Variants in SCIMP observed in about 807,000 individuals in gnomAD.
SCIMP encodes the protein SLP adaptor and CSK interacting membrane protein, also known as SLP adapter and CSK-interacting membrane protein.
Under a neutral mutation model 22.0 loss-of-function variants are expected in SCIMP, and 18 were observed. The observed-to-expected ratio is 0.82, with a 90% CI of 0.56 to 1.21. The LOEUF (loss-of-function observed/expected upper bound fraction) is 1.21, where lower values mean the gene tolerates loss of function less well. Ranked by LOEUF, SCIMP falls within the 50% of genes most tolerant of loss-of-function variation. The pLI is 0.00. For missense variants in SCIMP, 155 were observed against 171.2 expected (o/e 0.91, Z 0.53); for synonymous variants, 53 against 62.2 (o/e 0.85, Z 0.70).
chr17:5,226,504 C>CTTTTTTTTT (rs1567842763), intron 1 of SCIMP, among the ~76,000 whole-genome samples: 1 of 116,880 alleles, frequency 8.6e-6, no homozygotes, highest in Non-Finnish European at 2.0e-5. Context: ...TTTTTTCTTT[C>CTTTTTTTTT]TTTCTTTTTT....
chr17:5,224,063 T>C (rs1345674864), intron 1 of SCIMP, among the ~76,000 whole-genome samples: 1 of 152,220 alleles, frequency 6.6e-6, no homozygotes, highest in Non-Finnish European at 1.5e-5. Context: ...CTAGAAATGG[T>C]AGACATCATC....
chr17:5,211,102 C>T, intron 4 of SCIMP, 147 bp from the exon 5 acceptor site: 2 of 1,285,712 alleles, frequency 1.6e-6, no homozygotes, highest in Non-Finnish European at 2.1e-6. Flanking sequence ...AATTTAGACA[C>T]AGACCTGACA....
intron 3 of SCIMP, chr17:5,220,933 C>G: frequency 2.7e-6 from 1 of 366,244 alleles, no homozygotes; most frequent in South Asian, 2.2e-5. Context: ...TGGTGGGTGC[C>G]TGTAATCCCA....
At chr17:5,230,385 AG>A (rs1326229986) in intron 1 of SCIMP, among the ~76,000 whole-genome samples, 3 of 152,216 alleles carry the variant, frequency 2.0e-5, no homozygotes, top group Admixed American at 2.0e-4. Flanking sequence ...AGATCTGCAA[AG>A]CTGGCTGGGT....
chr17:5,230,742 G>A (rs182297611), intron 1 of SCIMP, among the ~76,000 whole-genome samples: 13 of 152,098 alleles, frequency 8.5e-5, no homozygotes, highest in African/African-American at 2.4e-4. Flanking sequence ...GCAACACAGC[G>A]AGACTTTCTC....
intron 1 of SCIMP, among the ~76,000 whole-genome samples, chr17:5,231,821 G>A (rs1209448109): frequency 6.6e-6 from 1 of 152,210 alleles, no homozygotes; most frequent in Admixed American, 6.5e-5. Context: ...TTGGGAGGCT[G>A]AGGCGGGCGG....
rs1246835896 is a variant in SCIMP at position 5,210,919 on chromosome 17, T to G, written c.320A>C (p.Tyr107Ser). The G allele has an allele frequency of 6.2e-7, 1 of 1,613,626 alleles. No individual in the cohort carries two copies. Among genetic ancestry groups the G allele is most frequent in the Non-Finnish European group, 8.5e-7 (1 of 1,179,948 alleles). Residue 107 changes from tyrosine to serine, a missense_variant, in exon 5 of 5, where the codon TAC becomes TCC. Transcript: ENST00000574081. ...QEAPSQPPATYSLVNKVKNKK... is the reference protein window; with the variant it reads ...QEAPSQPPATSSLVNKVKNKK... ...ATTTTTAACTTTATTTACCAGTGAG[T>G]ATGTAGCGGGCGGCTGACTTGGGGC... is the stretch of plus-strand genomic sequence containing the variant.
chr17:5,224,070 C>T (rs1169206894), intron 1 of SCIMP, among the ~76,000 whole-genome samples: 3 of 152,228 alleles, frequency 2.0e-5, no homozygotes, highest in African/African-American at 7.2e-5. Context: ...TGGTAGACAT[C>T]ATCACTGCTC....
At chr17:5,215,119 A>G in intron 3 of SCIMP, 121 bp from the exon 4 acceptor site, 1 of 673,252 alleles carries the variant, frequency 1.5e-6, no homozygotes, top group South Asian at 1.8e-5. Flanking sequence ...GGTCTCTACT[A>G]ATTGGAAGCA....
chr17:5,223,353 C>G lies in SCIMP; in HGVS notation c.125G>C (p.Cys42Ser). 6.2e-7 allele frequency: 1 copy of G among 1,613,816 alleles called. No individual in the cohort carries two copies. Among genetic ancestry groups the G allele is most frequent in the Non-Finnish European group, 8.5e-7 (1 of 1,179,920 alleles). The change falls in exon 2 of 5, where the codon TGT becomes TCT. Residue 42 changes from cysteine (C) to serine (S), a missense_variant. Coordinates refer to ENST00000574081, the MANE Select transcript of SCIMP (RefSeq NM_207103.3). Reference protein sequence around the residue: ...VGLGLILYCVCKWQLRRGKKW... With the variant: ...VGLGLILYCVSKWQLRRGKKW... ...ATTACCTCGTCTAAGCTGCCACTTA[C>G]AGACACAGTACAGGATGAGGCCCAG...
chr17:5,217,118 C>A (rs2074570922), intron 3 of SCIMP, among the ~76,000 whole-genome samples: 1 of 152,122 alleles, frequency 6.6e-6, no homozygotes, highest in South Asian at 2.1e-4. Flanking sequence ...GAGAAGAAAG[C>A]AACTCATCTG....
intron 2 of SCIMP, among the ~76,000 whole-genome samples, chr17:5,222,297 T>C (rs1325626054): frequency 6.6e-6 from 1 of 151,694 alleles, no homozygotes; most frequent in African/African-American, 2.4e-5. Flanking sequence ...TTCACCGTGT[T>C]AGCCAGGATG....
chr17:5,223,242 C>G (rs559478634), intron 2 of SCIMP, 91 bp downstream of exon 2: 4 of 1,407,860 alleles, frequency 2.8e-6, no homozygotes, highest in Non-Finnish European at 4.0e-6. Context: ...TCATTCAGGC[C>G]CAGGATTGAT....
At chr17:5,230,351 C>T (rs896148183) in intron 1 of SCIMP, among the ~76,000 whole-genome samples, 3 of 152,194 alleles carry the variant, frequency 2.0e-5, no homozygotes, top group Non-Finnish European at 4.4e-5. Context: ...GGAGAGTCCC[C>T]TATTCTCCCT....
chr17:5,209,226 C>T lies in SCIMP; in HGVS notation c.*1575G>A, dbSNP rs2074509853. The T allele has an allele frequency of 6.6e-6, 1 of 152,288 alleles. No individual in the cohort carries two copies. The highest frequency in any genetic ancestry group is 1.5e-5 in the Non-Finnish European group (1 of 68,126). The allele number at this position is 152,288 out of a possible 1,614,324, so 9.4% of individuals were successfully genotyped here. A position where few individuals can be genotyped will look rare whatever the true frequency, so the allele number is the denominator to read the frequency against. On this transcript the variant is annotated 3_prime_UTR_variant, in exon 5 of 5. Transcript: ENST00000574081. ...CTCGGCTCACCGCAACCTCCGCCTCCCAGTTTCAAGCGATTCTTCTGCCTC... is the reference window on the plus strand; with the variant it reads ...CTCGGCTCACCGCAACCTCCGCCTCTCAGTTTCAAGCGATTCTTCTGCCTC...
intron 1 of SCIMP, among the ~76,000 whole-genome samples, chr17:5,230,126 C>T (rs573320901): frequency 7.9e-5 from 12 of 152,116 alleles, no homozygotes; most frequent in Non-Finnish European, 1.6e-4. Context: ...TGCACCTGGC[C>T]AGAGGGAATA....
At chr17:5,216,064 G>T (rs1233120325) in intron 3 of SCIMP, among the ~76,000 whole-genome samples, 3 of 152,064 alleles carry the variant, frequency 2.0e-5, no homozygotes, top group Admixed American at 2.0e-4. Flanking sequence ...TTAGCAGGTT[G>T]TGGTGGCATA....
rs996698416 is a variant in SCIMP at position 5,217,054 on chromosome 17, A to G, written c.210-2056T>C. On this transcript the variant is annotated intron_variant, in intron 3 of 4. Coordinates refer to ENST00000574081, the MANE Select transcript of SCIMP (RefSeq NM_207103.3). The stretch of plus-strand genomic sequence containing the variant: ...TGTTAGGTTGAGTGCAGACGGGGAC[A>G]TGGGGGTAGAGCTCCACCGGCGGCT... Among the ~76,000 whole-genome samples, 7 of 152,110 alleles carry G rather than the reference A, an allele frequency of 4.6e-5. 1 individual carries two copies. The highest frequency in any genetic ancestry group is 3.3e-4 in the Admixed American group (5 of 15,254).
At chr17:5,230,176 A>T (rs185637062) in intron 1 of SCIMP, among the ~76,000 whole-genome samples, 11 of 152,266 alleles carry the variant, frequency 7.2e-5, no homozygotes, top group Admixed American at 3.3e-4. Context: ...TTGGAATAAG[A>T]TGCTTAACGT....
Sources: allele counts gnomAD v4.1 joint callset (sites outside exome capture counted in the v4.1 genomes callset), GRCh38; gene constraint gnomAD v4.1.1; transcripts MANE v1.5; gene names NCBI Gene and HGNC (gene_info 2026-07-23, HGNC 2026-07-21).